The following RWDD1 variants were observed in gnomAD, a reference collection of about 807,000 sequenced individuals.
RWDD1 encodes RWD domain containing 1.
Under a neutral mutation model 31.6 loss-of-function variants are expected in RWDD1, and 17 were observed. That is an observed-to-expected ratio of 0.54 (90% confidence interval 0.37 to 0.81). The LOEUF is 0.81. Among genes scored for constraint, RWDD1 ranks in the 30% least tolerant of loss-of-function variants. RWDD1 has a pLI of 0.00. For missense variants in RWDD1, 204 were observed against 274.5 expected (o/e 0.74, Z 1.82); for synonymous variants, 78 against 94.2 (o/e 0.83, Z 0.99).
Position 116,596,640 on chromosome 6 carries a change from A to G in RWDD1, c.*3539A>G, listed in dbSNP as rs1775243087. On this transcript the variant is annotated 3_prime_UTR_variant, in exon 7 of 7. Coordinates refer to ENST00000466444, the MANE Select transcript of RWDD1 (RefSeq NM_015952.4). ...TTAGTTCAACTTTTGACAACCTTATATTCATTGACACCATGGACAGCACAG... is the reference window on the plus strand; with the variant it reads ...TTAGTTCAACTTTTGACAACCTTATGTTCATTGACACCATGGACAGCACAG... The G allele has an allele frequency of 6.6e-6, 1 of 152,192 alleles. No individual in the cohort carries two copies. Among genetic ancestry groups the G allele is most frequent in the African/African-American group, 2.4e-5 (1 of 41,446 alleles). 9.4% of individuals were successfully genotyped at this position (152,192 alleles called of 1,614,324 possible). A position where few individuals can be genotyped will look rare whatever the true frequency, so the allele number is the denominator to read the frequency against.
At chr6:116,584,169 T>C (rs1774997471) in intron 2 of RWDD1, among the ~76,000 whole-genome samples, 1 of 152,180 alleles carries the variant, frequency 6.6e-6, no homozygotes, top group Admixed American at 6.5e-5. Flanking sequence ...GATCCGTAAA[T>C]TGACACAGAC....
chr6:116,594,705 G>A lies in RWDD1; in HGVS notation c.*1604G>A, dbSNP rs1238390806. On this transcript the variant is annotated 3_prime_UTR_variant, in exon 7 of 7. Coordinates refer to ENST00000466444, the MANE Select transcript of RWDD1 (RefSeq NM_015952.4). ...ATTGACTTGGTGGCTCCAGGTAGGA[G>A]AGCCAGTCTTCATGCAAGTTATTCA... The A allele has an allele frequency of 6.6e-6, 1 of 152,214 alleles. No homozygotes were observed. The highest frequency in any genetic ancestry group is 1.5e-5 in the Non-Finnish European group (1 of 68,046). 9.4% of individuals were successfully genotyped at this position (152,214 alleles called of 1,614,324 possible).
chr6:116,582,472 AT>A (rs1056713334), intron 2 of RWDD1, among the ~76,000 whole-genome samples: 10 of 151,842 alleles, frequency 6.6e-5, no homozygotes, highest in African/African-American at 2.4e-4. Context: ...TTACTTTTTA[AT>A]TTTTTTGGTA....
At chr6:116,581,161 C>T (rs1026404681) in intron 2 of RWDD1, among the ~76,000 whole-genome samples, 1 of 152,072 alleles carries the variant, frequency 6.6e-6, no homozygotes, top group Admixed American at 6.5e-5. Context: ...CATTTATTTA[C>T]TACCAAATTG....
At chr6:116,592,049 C>G (rs1472400430) in intron 6 of RWDD1, among the ~76,000 whole-genome samples, 1 of 152,184 alleles carries the variant, frequency 6.6e-6, no homozygotes, top group East Asian at 1.9e-4. Context: ...ATTACCTATT[C>G]TATAGTCACT....
In RWDD1 at chr6:116,595,610, A is replaced by G. The variant is rs1444892432; in HGVS notation, c.*2509A>G. ...GTATTAAAATGTCACTAGGTTAAAA[A>G]CAAACACAGATATGTTTATTCATTA... On this transcript the variant is annotated 3_prime_UTR_variant, in exon 7 of 7. Transcript: ENST00000466444. 2 of 152,218 alleles carry G rather than the reference A, an allele frequency of 1.3e-5. No homozygotes were observed. Among genetic ancestry groups the G allele is most frequent in the African/African-American group, 4.8e-5 (2 of 41,458 alleles). The allele number at this position is 152,218 out of a possible 1,614,324, so 9.4% of individuals were successfully genotyped here.
chr6:116,586,116 G>C (rs771225745), intron 3 of RWDD1, among the ~76,000 whole-genome samples: 22 of 152,086 alleles, frequency 1.4e-4, no homozygotes, highest in Non-Finnish European at 2.4e-4. Flanking sequence ...AGGCTGTTTT[G>C]ATTTATTTGA....
chr6:116,592,232 G>A (rs1295478266), intron 6 of RWDD1, among the ~76,000 whole-genome samples: 1 of 152,032 alleles, frequency 6.6e-6, no homozygotes, highest in African/African-American at 2.4e-5. Context: ...TCATCTTCCA[G>A]TTAGAATTAT....
At chr6:116,579,287 T>G (rs977109540) in intron 1 of RWDD1, among the ~76,000 whole-genome samples, 3 of 152,246 alleles carry the variant, frequency 2.0e-5, no homozygotes, top group Admixed American at 6.5e-5. Context: ...TCTTTCATTC[T>G]GAAAAAGTCT....
At position 116,588,969 on chromosome 6, in the gene RWDD1, CAGA is replaced by C. The variant is rs1775090310; in HGVS notation, c.404_406del (p.Glu135del). On this transcript the variant is annotated inframe_deletion, in exon 4 of 7. Coordinates refer to ENST00000466444, the MANE Select transcript of RWDD1 (RefSeq NM_015952.4). ...GAAAAGAAACAAAAAGAAAAAGAAG[CAGA>C]AGAAGCTGAAAAGGTATATTTAAAA... The C allele has an allele frequency of 7.1e-7, 1 of 1,403,050 alleles. No homozygotes were observed. The highest frequency in any genetic ancestry group is 9.4e-7 in the Non-Finnish European group (1 of 1,066,270). The allele number at this position is 1,403,050 out of a possible 1,614,324, so 86.9% of individuals were successfully genotyped here. A position where few individuals can be genotyped will look rare whatever the true frequency, so the allele number is the denominator to read the frequency against.
intron 4 of RWDD1, among the ~76,000 whole-genome samples, chr6:116,589,375 A>G (rs573786794): frequency 6.6e-6 from 1 of 152,286 alleles, no homozygotes; most frequent in African/African-American, 2.4e-5. Context: ...GCAAAAAAAC[A>G]TGTTTTAAGA....
intron 2 of RWDD1, among the ~76,000 whole-genome samples, chr6:116,581,991 T>G (rs1475422502): frequency 6.6e-6 from 1 of 152,016 alleles, no homozygotes; most frequent in Non-Finnish European, 1.5e-5. Context: ...ATTCTCATGT[T>G]ATTTTTGAGA....
At chr6:116,590,553 TTC>T (rs1468733303) in intron 5 of RWDD1, 149 bp downstream of exon 5, 1 of 1,047,294 alleles carries the variant, frequency 9.5e-7, no homozygotes, top group African/African-American at 1.7e-5. Context: ...CAGATGATGT[TTC>T]TCCACTCATA....
Position 116,593,026 on chromosome 6 carries a change from T to G in RWDD1, c.657T>G (p.Asp219Glu). The G allele has an allele frequency of 6.2e-7, 1 of 1,613,670 alleles. No individual in the cohort carries two copies. Among genetic ancestry groups the G allele is most frequent in the Non-Finnish European group, 8.5e-7 (1 of 1,179,928 alleles). The change falls in exon 7 of 7, where the codon GAT becomes GAG. Residue 219 changes from aspartate (D) to glutamate (E), a missense_variant. Physicochemically the swap from Asp to Glu is conservative, Grantham distance 45. Coordinates refer to ENST00000466444, the MANE Select transcript of RWDD1 (RefSeq NM_015952.4). ...EVDESLFQEM[D>E]DLELEDDEDD... The stretch of plus-strand genomic sequence containing the variant: ...ATGAGTCTTTGTTCCAAGAAATGGA[T>G]GACTTGGAGCTGGAGGATGATGAAG...
intron 1 of RWDD1, among the ~76,000 whole-genome samples, chr6:116,573,823 C>G (rs1774789837): frequency 6.8e-6 from 1 of 147,194 alleles, no homozygotes; most frequent in African/African-American, 2.5e-5. Context: ...AATAGATATA[C>G]TTTTTTTTTT....
intron 1 of RWDD1, among the ~76,000 whole-genome samples, chr6:116,575,886 T>C (rs1396790672): frequency 2.0e-5 from 3 of 152,206 alleles, no homozygotes; most frequent in Non-Finnish European, 4.4e-5. Flanking sequence ...GGCAGTTTCT[T>C]AAGGAAATTT....
rs964361626 is a variant in RWDD1 at position 116,596,801 on chromosome 6, C to T, written c.*3700C>T. 2.0e-5 allele frequency: 3 copies of T among 151,994 alleles called. No individual in the cohort carries two copies. The highest frequency in any genetic ancestry group is 6.6e-5 in the Admixed American group (1 of 15,256). The allele number at this position is 151,994 out of a possible 1,614,324, so 9.4% of individuals were successfully genotyped here. On this transcript the variant is annotated 3_prime_UTR_variant, in exon 7 of 7. Coordinates refer to ENST00000466444, the MANE Select transcript of RWDD1 (RefSeq NM_015952.4). ...TTCATTCAATTAAGGTATTTGAGTG[C>T]TACTATGCGCCAGCCTTTCTTTGTG...
intron 1 of RWDD1, among the ~76,000 whole-genome samples, chr6:116,575,142 A>G (rs1270157600): frequency 1.3e-5 from 2 of 151,976 alleles, no homozygotes; most frequent in Non-Finnish European, 2.9e-5. Flanking sequence ...GCTAAAGTAC[A>G]GTGGCACCAT....
intron 5 of RWDD1, 111 bp downstream of exon 5, chr6:116,590,515 C>T (rs1374248733): frequency 7.5e-7 from 1 of 1,329,014 alleles, no homozygotes; most frequent in Non-Finnish European, 1.0e-6. Flanking sequence ...ACATAGGCAT[C>T]TAGGACAAAA....
Sources: gnomAD v4.1 joint callset for allele counts (sites outside exome capture counted in the v4.1 genomes callset) on GRCh38, gnomAD v4.1.1 for gene constraint, MANE v1.5 for transcripts, NCBI Gene and HGNC (gene_info 2026-07-23, HGNC 2026-07-21) for gene names.